The following ZNF91 variants were observed in gnomAD, a reference collection of about 807,000 sequenced individuals.
ZNF91 encodes zinc finger protein 91 (HPF7, HTF10).
A neutral mutation model predicts 12.6 loss-of-function variants in ZNF91; 7 were observed. The observed-to-expected ratio is 0.55, with a 90% CI of 0.31 to 1.04. The LOEUF is 1.04. Among genes scored for constraint, ZNF91 ranks in the 50% least tolerant of loss-of-function variants. ZNF91 has a pLI of 0.05. For missense variants in ZNF91, 1,217 were observed against 1,385.4 expected (o/e 0.88, Z 1.93); for synonymous variants, 453 against 462.6 (o/e 0.98, Z 0.27).
At chr19:23,389,320 C>CA (rs1969984102) in intron 1 of ZNF91, among the ~76,000 whole-genome samples, 1 of 144,296 alleles carries the variant, frequency 6.9e-6, no homozygotes, top group African/African-American at 2.6e-5. Context: ...GGCTGGTGGA[C>CA]AAAACAGCCT....
chr19:23,368,510 ATCTCTCTCTCTCTCTCTCTCTCTCTC>A (rs573590418), intron 3 of ZNF91, among the ~76,000 whole-genome samples: 3 of 94,328 alleles, frequency 3.2e-5, no homozygotes, highest in African/African-American at 1.2e-4. Context: ...GCGAAACTCC[ATCTCTCTCTCTCTCTCTCTCTCTCTC>A]TCTCTCTCTC....
intron 3 of ZNF91, among the ~76,000 whole-genome samples, chr19:23,349,038 C>T (rs1968301419): frequency 6.6e-6 from 1 of 152,112 alleles, no homozygotes. Flanking sequence ...TCTAGTCAGA[C>T]CAGTTCTCTG....
chr19:23,384,792 C>CA, intron 1 of ZNF91: 3 of 657,826 alleles, frequency 4.6e-6, no homozygotes, highest in Non-Finnish European at 8.4e-6. Context: ...TCCGGGCCAA[C>CA]AGCACCTCAG....
At position 23,365,712 on chromosome 19, in the gene ZNF91, C is replaced by T. The variant is rs149412229; in HGVS notation, c.254-2987G>A. Among the ~76,000 whole-genome samples the T allele has an allele frequency of 0.011, 1,670 of 152,040 alleles. 152 individuals carry two copies. The East Asian group carries it at 0.24, about 22-fold the overall frequency. ...TGGTTTTCCTAGGCAGAGGACCCTG[C>T]GGCCTTCCGCAGTGTTTGTGTCCCT... On this transcript the variant is annotated intron_variant, in intron 3 of 3. Transcript: ENST00000300619.
intron 3 of ZNF91, among the ~76,000 whole-genome samples, chr19:23,352,274 C>G (rs1421460185): frequency 6.6e-6 from 1 of 152,100 alleles, no homozygotes; most frequent in Non-Finnish European, 1.5e-5. Flanking sequence ...GGCTTTCCCC[C>G]ACTTCCCTGA....
At chr19:23,318,602 A>T (rs928756064) in intron 1 of ZNF91, among the ~76,000 whole-genome samples, 3 of 151,752 alleles carry the variant, frequency 2.0e-5, no homozygotes, top group Admixed American at 6.6e-5. Context: ...ACATATCTCT[A>T]AGTTCATGAA....
At chr19:23,391,126 T>C (rs2145142801) in intron 1 of ZNF91, among the ~76,000 whole-genome samples, 1 of 152,352 alleles carries the variant, frequency 6.6e-6, no homozygotes, top group Non-Finnish European at 1.5e-5. Flanking sequence ...TTAACAGCAA[T>C]GTATAAGTAT....
chr19:23,371,550 ATAAG>A (rs1003742417), intron 3 of ZNF91, among the ~76,000 whole-genome samples: 2 of 152,232 alleles, frequency 1.3e-5, no homozygotes, highest in African/African-American at 4.8e-5. Flanking sequence ...ATTATAATAC[ATAAG>A]TAAAACCAAA....
chr19:23,345,551 G>C (rs7255761), intron 3 of ZNF91, among the ~76,000 whole-genome samples: 28,545 of 151,854 alleles, frequency 0.19, 2,876 homozygotes, highest in Non-Finnish European at 0.21. Flanking sequence ...TTGCTCATGT[G>C]TTCAAATCCT....
upstream of ZNF91, among the ~76,000 whole-genome samples, chr19:23,314,461 T>C (rs1246713041): frequency 6.6e-6 from 1 of 152,146 alleles, no homozygotes; most frequent in African/African-American, 2.4e-5. Context: ...CACATTGTGA[T>C]GTATCTCTGC....
intron 1 of ZNF91, chr19:23,384,485 T>G: frequency 1.6e-6 from 1 of 619,216 alleles, no homozygotes; most frequent in Non-Finnish European, 2.3e-6. Context: ...GTGAAAAAAG[T>G]TGCCCTTTCT....
At chr19:23,366,062 C>T (rs181378703) in intron 3 of ZNF91, among the ~76,000 whole-genome samples, 2 of 152,366 alleles carry the variant, frequency 1.3e-5, no homozygotes, top group Admixed American at 6.5e-5. Context: ...CATCATGGCC[C>T]GTTCTCAATG....
At chr19:23,355,438 A>G (rs1968462771), downstream of ZNF91, among the ~76,000 whole-genome samples, 1 of 152,192 alleles carries the variant, frequency 6.6e-6, no homozygotes, top group African/African-American at 2.4e-5. Flanking sequence ...CTCACCTTAT[A>G]AAAGAAACCA....
intron 1 of ZNF91, among the ~76,000 whole-genome samples, chr19:23,394,421 C>T (rs1319123636): frequency 1.3e-5 from 2 of 152,102 alleles, no homozygotes; most frequent in African/African-American, 4.8e-5. Flanking sequence ...AGGATATTTC[C>T]ACCTAGATTG....
intron 3 of ZNF91, among the ~76,000 whole-genome samples, chr19:23,341,847 C>T (rs1040723346): frequency 6.6e-6 from 1 of 152,130 alleles, no homozygotes; most frequent in African/African-American, 2.4e-5. Flanking sequence ...CATGCAGTTC[C>T]TCTAAAATAC....
chr19:23,362,307 G>C lies in ZNF91; in HGVS notation c.672C>G (p.Thr224=). The change falls in exon 4 of 4, where the codon ACC becomes ACG. Residue 224 remains threonine (T), a synonymous_variant. Coordinates refer to ENST00000300619, the MANE Select transcript of ZNF91 (RefSeq NM_003430.4). ...ECEKTFHWSS[T]LTNHKEIHTE... is the part of the protein sequence containing the mutation. ...TATGAATTTCCTTATGATTAGTAAG[G>C]GTTGAGGACCAATGAAAGGTTTTTT... The C allele has an allele frequency of 6.2e-7, 1 of 1,613,758 alleles. No individual in the cohort carries two copies. The highest frequency in any genetic ancestry group is 8.5e-7 in the Non-Finnish European group (1 of 1,179,896).
intron 3 of ZNF91, among the ~76,000 whole-genome samples, chr19:23,373,493 C>G (rs1969376420): frequency 6.6e-6 from 1 of 151,576 alleles, no homozygotes; most frequent in Non-Finnish European, 1.5e-5. Flanking sequence ...AAAATGCACT[C>G]TTTTCTATGC....
At chr19:23,377,400 G>A (rs1969541813) in intron 1 of ZNF91, among the ~76,000 whole-genome samples, 1 of 152,184 alleles carries the variant, frequency 6.6e-6, no homozygotes, top group Non-Finnish European at 1.5e-5. Context: ...AGAATCCTGA[G>A]CTTATAACCA....
intron 1 of ZNF91, among the ~76,000 whole-genome samples, chr19:23,316,725 T>C (rs1568365427): frequency 1.3e-5 from 2 of 152,212 alleles, no homozygotes; most frequent in Non-Finnish European, 2.9e-5. Context: ...TAGCTGGGAT[T>C]AGAGAAAAGG....
Sources: allele counts gnomAD v4.1 joint callset (sites outside exome capture counted in the v4.1 genomes callset), GRCh38; gene constraint gnomAD v4.1.1; transcripts MANE v1.5; gene names NCBI Gene and HGNC (gene_info 2026-07-23, HGNC 2026-07-21).